The following DGCR2 variants were observed in gnomAD, a reference collection of about 807,000 sequenced individuals.
DGCR2 encodes DiGeorge syndrome critical region gene 2.
A neutral mutation model predicts 51.6 loss-of-function variants in DGCR2; 24 were observed. That is an observed-to-expected ratio of 0.47 (90% CI 0.34 to 0.65). The LOEUF (loss-of-function observed/expected upper bound fraction) is 0.65, where lower values mean the gene tolerates loss of function less well. Among genes scored for constraint, DGCR2 ranks in the 30% least tolerant of loss-of-function variants. The probability of loss-of-function intolerance (pLI) is 0.01; values close to 1 mark genes in which losing one functional copy is unlikely to be tolerated. For missense variants in DGCR2, 765 were observed against 772.1 expected (o/e 0.99, Z 0.11); for synonymous variants, 340 against 315.4 (o/e 1.08, Z -0.82).
At chr22:19,039,165 G>A (rs1406583329) in intron 9 of DGCR2, 44 bp from the exon 10 acceptor site, 1 of 1,607,042 alleles carries the variant, frequency 6.2e-7, no homozygotes. Flanking sequence ...GTACGGGCCT[G>A]GCACAGGGGA....
chr22:19,042,952 G>A (rs531242005), intron 7 of DGCR2, among the ~76,000 whole-genome samples: 1 of 152,080 alleles, frequency 6.6e-6, no homozygotes, highest in South Asian at 2.1e-4. Flanking sequence ...ATGACACCTG[G>A]ACACAACACT....
chr22:19,092,533 T>C (rs997159957), intron 1 of DGCR2, among the ~76,000 whole-genome samples: 10 of 151,976 alleles, frequency 6.6e-5, no homozygotes, highest in Admixed American at 2.0e-4. Flanking sequence ...CCAAAATAAA[T>C]AAACAATCTG....
chr22:19,049,374 G>A (rs1243343631), intron 6 of DGCR2, among the ~76,000 whole-genome samples: 2 of 152,080 alleles, frequency 1.3e-5, no homozygotes, highest in Non-Finnish European at 2.9e-5. Flanking sequence ...GCAAATGCCT[G>A]GAGGAGAGAC....
Position 19,063,193 on chromosome 22 carries a change from A to G in DGCR2, c.625+9T>C, listed in dbSNP as rs1390873133. ...GCTTCAAACACTCCCACACACCAGA[A>G]GGGCTCACCTTTGAATGCCACCTCC... On this transcript the variant is annotated intron_variant, in intron 5 of 9. Coordinates refer to ENST00000263196, the MANE Select transcript of DGCR2 (RefSeq NM_005137.3). The G allele has an allele frequency of 3.1e-6, 5 of 1,613,738 alleles. No homozygotes were observed. The highest frequency in any genetic ancestry group is 1.1e-5 in the South Asian group (1 of 91,078).
intron 1 of DGCR2, among the ~76,000 whole-genome samples, chr22:19,116,581 C>T (rs1012255806): frequency 3.3e-5 from 5 of 152,156 alleles, no homozygotes; most frequent in African/African-American, 1.2e-4. Context: ...GGAAAGAGGA[C>T]GGTCATCAAA....
At position 19,041,093 on chromosome 22, in the gene DGCR2, G is replaced by A. The variant is rs750187218; in HGVS notation, c.1361C>T (p.Ser454Phe). 1 of 1,611,876 alleles carries A rather than the reference G, an allele frequency of 6.2e-7. No homozygotes were observed. Among genetic ancestry groups the A allele is most frequent in the Middle Eastern group, 1.7e-4 (1 of 6,056 alleles). The change falls in exon 9 of 10, where the codon TCC (serine) becomes TTC (phenylalanine). Residue 454 changes from serine to phenylalanine, a missense_variant. Transcript: ENST00000263196. Reference protein sequence around the residue: ...PDDPPPPYEASIHPDSVFYDP... With the variant: ...PDDPPPPYEAFIHPDSVFYDP... ...ATAGAACACACTGTCCGGGTGGATG[G>A]AGGCCTCGTAGGGCGGCGGAGGGTC... is the stretch of plus-strand genomic sequence containing the variant.
At chr22:19,086,199 C>T (rs911154402) in intron 2 of DGCR2, among the ~76,000 whole-genome samples, 3 of 152,016 alleles carry the variant, frequency 2.0e-5, no homozygotes, top group African/African-American at 4.8e-5. Context: ...CCTGCTTGGC[C>T]GGGCACAGTG....
intron 2 of DGCR2, among the ~76,000 whole-genome samples, chr22:19,083,327 C>A (rs1192803660): frequency 6.6e-6 from 1 of 152,154 alleles, no homozygotes; most frequent in Non-Finnish European, 1.5e-5. Flanking sequence ...GTCTCACTGG[C>A]CAATTTGGAT....
At chr22:19,095,712 A>G (rs1309358181) in intron 1 of DGCR2, among the ~76,000 whole-genome samples, 1 of 148,678 alleles carries the variant, frequency 6.7e-6, no homozygotes, top group Non-Finnish European at 1.5e-5. Context: ...ATCATTTATT[A>G]TAAGTCAATT....
At chr22:19,111,845 AT>A (rs796208922) in intron 1 of DGCR2, among the ~76,000 whole-genome samples, 3,183 of 130,302 alleles carry the variant, frequency 0.024, 125 homozygotes, top group African/African-American at 0.091. Flanking sequence ...TTTTGTTTTT[AT>A]TTTTTATTTA....
chr22:19,059,653 G>A (rs2082639154), intron 5 of DGCR2, among the ~76,000 whole-genome samples: 1 of 152,032 alleles, frequency 6.6e-6, no homozygotes, highest in Non-Finnish European at 1.5e-5. Context: ...TCGACAGGGT[G>A]GCGGCAAGTT....
At chr22:19,053,840 G>A (rs1412194545) in intron 6 of DGCR2, among the ~76,000 whole-genome samples, 1 of 152,206 alleles carries the variant, frequency 6.6e-6, no homozygotes, top group Non-Finnish European at 1.5e-5. Context: ...AAATTCAGAT[G>A]AGAGATGGAA....
intron 1 of DGCR2, among the ~76,000 whole-genome samples, chr22:19,113,861 C>T (rs1237426467): frequency 2.0e-5 from 3 of 152,046 alleles, no homozygotes; most frequent in Non-Finnish European, 4.4e-5. Context: ...GAGTTTGAGA[C>T]CAGCCCAGCC....
intron 9 of DGCR2, among the ~76,000 whole-genome samples, chr22:19,040,426 A>T (rs2082417992): frequency 6.6e-6 from 1 of 152,214 alleles, no homozygotes; most frequent in Non-Finnish European, 1.5e-5. Context: ...TGTGTGTGTT[A>T]GGGGGCCTAA....
At chr22:19,041,392 C>G in intron 8 of DGCR2, 98 bp from the exon 9 acceptor site, 1 of 1,201,590 alleles carries the variant, frequency 8.3e-7, no homozygotes, top group Non-Finnish European at 1.2e-6. Context: ...GCCTGCCGTC[C>G]CTGAGTGCAC....
At chr22:19,103,590 G>A (rs912539534) in intron 1 of DGCR2, among the ~76,000 whole-genome samples, 6 of 150,088 alleles carry the variant, frequency 4.0e-5, no homozygotes, top group Admixed American at 1.3e-4. Context: ...CATCACGCCC[G>A]GCTAATTTTT....
intron 1 of DGCR2, among the ~76,000 whole-genome samples, chr22:19,105,831 T>A (rs1415641747): frequency 6.6e-6 from 1 of 152,076 alleles, no homozygotes; most frequent in Non-Finnish European, 1.5e-5. Context: ...CCCTGCCTTC[T>A]CTACAGTGCT....
intron 1 of DGCR2, among the ~76,000 whole-genome samples, chr22:19,100,390 C>G (rs2146032540): frequency 6.6e-6 from 1 of 152,332 alleles, no homozygotes; most frequent in South Asian, 2.1e-4. Context: ...CTCCTCTTAG[C>G]CAATGGATTG....
intron 2 of DGCR2, among the ~76,000 whole-genome samples, chr22:19,077,335 C>T (rs2082889708): frequency 6.6e-6 from 1 of 152,134 alleles, no homozygotes; most frequent in African/African-American, 2.4e-5. Context: ...AAATTTAAGC[C>T]TGATCCATTT....
Sources: gnomAD v4.1 joint callset for allele counts (sites outside exome capture counted in the v4.1 genomes callset) on GRCh38, gnomAD v4.1.1 for gene constraint, MANE v1.5 for transcripts, NCBI Gene and HGNC (gene_info 2026-07-23, HGNC 2026-07-21) for gene names.